The following CUBN variants were observed in gnomAD, a reference collection of about 807,000 sequenced individuals.
CUBN encodes 460 kDa receptor.
Under a neutral mutation model 405.3 loss-of-function variants are expected in CUBN, and 282 were observed. The observed-to-expected ratio is 0.70, with a 90% CI of 0.63 to 0.77. The LOEUF is 0.77. Ranked by LOEUF, CUBN falls within the 30% of genes least tolerant of loss-of-function variation. CUBN has a pLI of 0.00. For synonymous variants in CUBN, 1,684 were observed against 1,617.0 expected (o/e 1.04, Z -0.99); for missense variants, 4,514 against 4,475.2 (o/e 1.01, Z -0.25).
chr10:17,004,932 A>G (rs1013236608), intron 28 of CUBN, among the ~76,000 whole-genome samples: 3 of 152,130 alleles, frequency 2.0e-5, no homozygotes, highest in African/African-American at 7.2e-5. Flanking sequence ...TGCTGGGATT[A>G]TAGGTGTGAG....
At chr10:16,948,718 A>T (rs774111004) in intron 34 of CUBN, 112 bp from the exon 35 acceptor site, 386 of 1,351,246 alleles carry the variant, frequency 2.9e-4, no homozygotes, top group Non-Finnish European at 3.8e-4. Flanking sequence ...AAGTGAAGAA[A>T]TTGCCACTAG....
chr10:16,840,649 A>T, intron 61 of CUBN, 114 bp from the exon 62 acceptor site: 1 of 967,714 alleles, frequency 1.0e-6, no homozygotes, highest in Non-Finnish European at 1.6e-6. Context: ...TATTTTCATT[A>T]CTCTATTAAG....
intron 29 of CUBN, among the ~76,000 whole-genome samples, chr10:16,987,643 T>C (rs889689076): frequency 2.6e-5 from 4 of 152,178 alleles, no homozygotes; most frequent in African/African-American, 9.6e-5. Flanking sequence ...TACACTCACA[T>C]GCAGGCTGAG....
chr10:17,010,044 G>A lies in CUBN; in HGVS notation c.4168+9789C>T, dbSNP rs139443314. Among the ~76,000 whole-genome samples, 22 of 152,234 alleles carry A rather than the reference G, an allele frequency of 1.4e-4. No homozygotes were observed. The East Asian group carries it at 3.3e-3, about 23-fold the overall frequency. On this transcript the variant is annotated intron_variant, in intron 28 of 66. Coordinates refer to ENST00000377833, the MANE Select transcript of CUBN (RefSeq NM_001081.4). ...TAGAGCAGCACCAGCAGCATTACCC[G>A]GGAGCTTGTTAGAAATGCAGATTCA...
rs1192521736 is a variant in CUBN at position 17,071,982 on chromosome 10, A to C, written c.2302-11T>G. ...TTCACCATCTCGAACCTAAAGAGAA[A>C]AATAAAATAGAGATGTAATTCAAAT... On this transcript the variant is annotated splice_polypyrimidine_tract_variant and intron_variant, in intron 17 of 66. Coordinates refer to ENST00000377833, the MANE Select transcript of CUBN (RefSeq NM_001081.4). The C allele has an allele frequency of 6.2e-7, 1 of 1,605,900 alleles. No homozygotes were observed.
chr10:16,912,614 G>C (rs1397704549), intron 48 of CUBN, among the ~76,000 whole-genome samples: 3 of 152,154 alleles, frequency 2.0e-5, no homozygotes, highest in Non-Finnish European at 4.4e-5. Flanking sequence ...GTGAAGTGAG[G>C]GTGTGGAGCA....
intron 40 of CUBN, among the ~76,000 whole-genome samples, chr10:16,932,187 T>A (rs970148768): frequency 2.6e-5 from 4 of 152,214 alleles, no homozygotes; most frequent in African/African-American, 9.6e-5. Context: ...ATAAAGCACC[T>A]TCACCATTCG....
At chr10:16,887,218 A>G (rs1840847117) in intron 56 of CUBN, among the ~76,000 whole-genome samples, 1 of 152,252 alleles carries the variant, frequency 6.6e-6, no homozygotes, top group African/African-American at 2.4e-5. Flanking sequence ...GTGCACACGT[A>G]TGTCTATAAA....
chr10:16,998,983 G>A (rs911682874), intron 28 of CUBN, among the ~76,000 whole-genome samples: 5 of 152,098 alleles, frequency 3.3e-5, no homozygotes, highest in African/African-American at 7.2e-5. Flanking sequence ...CATTTTATTC[G>A]ACTAATTTCT....
chr10:16,846,433 G>C (rs370748825), intron 60 of CUBN, among the ~76,000 whole-genome samples: 2 of 151,996 alleles, frequency 1.3e-5, no homozygotes, highest in Non-Finnish European at 2.9e-5. Flanking sequence ...CATTGCCTTT[G>C]GGATAGTACA....
chr10:17,127,228 G>GTC (rs1297991101), intron 3 of CUBN, among the ~76,000 whole-genome samples: 17 of 126,964 alleles, frequency 1.3e-4, no homozygotes, highest in East Asian at 4.6e-4. Context: ...CTCTCTCTCT[G>GTC]TCTCTCTCTC....
chr10:16,925,868 A>G lies in CUBN; in HGVS notation c.6272-94T>C, dbSNP rs1842175403. 8 of 1,111,598 alleles carry G rather than the reference A, an allele frequency of 7.2e-6. No individual in the cohort carries two copies. In the East Asian group the frequency reaches 2.0e-4, roughly 27 times the overall value. 68.9% of individuals were successfully genotyped at this position (1,111,598 alleles called of 1,614,324 possible). A position where few individuals can be genotyped will look rare whatever the true frequency, so the allele number is the denominator to read the frequency against. ...TTTTCTTGGGGGGTTTTCAAAGTGG[A>G]GGCAATAAAAATGCTTGAAAATAAA... On this transcript the variant is annotated intron_variant, in intron 41 of 66. Coordinates refer to ENST00000377833, the MANE Select transcript of CUBN (RefSeq NM_001081.4).
Position 16,907,503 on chromosome 10 carries a change from A to C in CUBN, c.7705+5T>G. On this transcript the variant is annotated splice_donor_5th_base_variant and intron_variant, in intron 49 of 66. Coordinates refer to ENST00000377833, the MANE Select transcript of CUBN (RefSeq NM_001081.4). Reference sequence around the variant, plus strand: ...ATGGGGGGCATTTACAACATCCTACATTACCTGCATCTTCACTGGAGGTAT... The same window carrying C: ...ATGGGGGGCATTTACAACATCCTACCTTACCTGCATCTTCACTGGAGGTAT... 1 of 1,614,044 alleles carries C rather than the reference A, an allele frequency of 6.2e-7. No homozygotes were observed. Among genetic ancestry groups the C allele is most frequent in the Non-Finnish European group, 8.5e-7 (1 of 1,179,952 alleles).
chr10:16,991,133 T>C (rs1028667069), intron 28 of CUBN, among the ~76,000 whole-genome samples: 5 of 152,224 alleles, frequency 3.3e-5, no homozygotes, highest in African/African-American at 1.2e-4. Context: ...TTTCAGAATC[T>C]TGATATGTCA....
At chr10:17,064,791 T>C (rs1222108901) in intron 22 of CUBN, among the ~76,000 whole-genome samples, 1 of 152,192 alleles carries the variant, frequency 6.6e-6, no homozygotes, top group Non-Finnish European at 1.5e-5. Context: ...ATACTTCATT[T>C]GCAAAGGGCA....
chr10:16,863,501 C>CGTGAGCTGACAG (rs1840076908), intron 59 of CUBN, among the ~76,000 whole-genome samples: 1 of 152,004 alleles, frequency 6.6e-6, no homozygotes, highest in Non-Finnish European at 1.5e-5. Context: ...ATTTGTACTT[C>CGTGAGCTGACAG]TAACAGTAAC....
chr10:16,901,098 G>A (rs755290890), intron 52 of CUBN, among the ~76,000 whole-genome samples: 2 of 152,030 alleles, frequency 1.3e-5, no homozygotes, highest in Non-Finnish European at 1.5e-5. Flanking sequence ...TCTCTAAGAC[G>A]CAGAATTATC....
At chr10:16,910,847 T>C (rs1319106186) in intron 48 of CUBN, among the ~76,000 whole-genome samples, 3 of 152,014 alleles carry the variant, frequency 2.0e-5, no homozygotes, top group Non-Finnish European at 2.9e-5. Flanking sequence ...TAATTTCAGG[T>C]ATACCATTTT....
chr10:17,070,825 G>A lies in CUBN; in HGVS notation c.2625+601C>T, dbSNP rs114271152. On this transcript the variant is annotated intron_variant, in intron 19 of 66. Transcript: ENST00000377833. The stretch of plus-strand genomic sequence containing the variant: ...TCTGTGAATAGAGAGAATTTTACTC[G>A]TTCCCTTTCATTCTGGATGCATTTT... 3.7e-3 allele frequency among the ~76,000 whole-genome samples: 556 copies of A among 152,178 alleles called. 4 individuals carry two copies. Among genetic ancestry groups the A allele is most frequent in the African/African-American group, 0.013 (526 of 41,520 alleles).
Sources: gnomAD v4.1 joint callset for allele counts (sites outside exome capture counted in the v4.1 genomes callset) on GRCh38, gnomAD v4.1.1 for gene constraint, MANE v1.5 for transcripts, NCBI Gene and HGNC (gene_info 2026-07-23, HGNC 2026-07-21) for gene names.